IFT56: variants seen among roughly 807,000 people sequenced by gnomAD.
IFT56 encodes intraflagellar transport 56.
At chr7:139,166,851 G>A in the IFT56 span, 1 of 1,584,030 alleles carries the variant, frequency 6.3e-7, no homozygotes, top group Non-Finnish European at 8.7e-7. Context: ...TGATGTACAA[G>A]AAGCTTATAA....
chr7:139,191,466 C>A, the IFT56 span: 7 of 152,124 alleles, frequency 4.6e-5, no homozygotes, highest in East Asian at 1.2e-3. Flanking sequence ...CAGTGAATTG[C>A]TATTATTTTC....
chr7:139,187,401 T>C, the IFT56 span: 4 of 1,614,084 alleles, frequency 2.5e-6, no homozygotes, highest in African/African-American at 1.3e-5. Context: ...CGTTCTCTTA[T>C]TCAGATGGGC....
the IFT56 span, among the ~76,000 whole-genome samples, chr7:139,184,642 C>T: frequency 5.9e-5 from 9 of 152,174 alleles, no homozygotes; most frequent in African/African-American, 2.2e-4. Context: ...GGCACGGTGG[C>T]TTATGCCTGT....
the IFT56 span, among the ~76,000 whole-genome samples, chr7:139,188,071 G>A: frequency 1.3e-5 from 2 of 149,254 alleles, no homozygotes; most frequent in African/African-American, 4.9e-5. Context: ...AAAATTCAGT[G>A]GTTTATACTT....
At chr7:139,177,634 A>G in the IFT56 span, among the ~76,000 whole-genome samples, 1,037 of 125,432 alleles carry the variant, frequency 8.3e-3, 19 homozygotes, top group African/African-American at 0.038. Flanking sequence ...GTGTGTGTAT[A>G]TATATCTCAA....
chr7:139,160,682 C>T, the IFT56 span, among the ~76,000 whole-genome samples: 5 of 152,100 alleles, frequency 3.3e-5, no homozygotes, highest in African/African-American at 1.2e-4. Flanking sequence ...GTGATCCGCC[C>T]GCCTTGGCCT....
At chr7:139,177,096 C>T in the IFT56 span, among the ~76,000 whole-genome samples, 7 of 150,622 alleles carry the variant, frequency 4.6e-5, no homozygotes, top group East Asian at 1.2e-3. Flanking sequence ...CACTTGAACC[C>T]GGGAGACGAA....
At chr7:139,177,166 C>T in the IFT56 span, among the ~76,000 whole-genome samples, 69 of 135,376 alleles carry the variant, frequency 5.1e-4, 1 homozygote, top group Admixed American at 2.8e-3. Context: ...AGTAAGACTC[C>T]GTCTCAAAAA....
At chr7:139,134,722 G>A in the IFT56 span, 1 of 1,614,106 alleles carries the variant, frequency 6.2e-7, no homozygotes, top group Non-Finnish European at 8.5e-7. Flanking sequence ...AAGAAGAAAG[G>A]TAGGAAGATT....
the IFT56 span, chr7:139,187,481 G>T: frequency 6.2e-7 from 1 of 1,614,142 alleles, no homozygotes; most frequent in African/African-American, 1.3e-5. Flanking sequence ...ATATTGGGAA[G>T]GCAAACGGGG....
chr7:139,180,497 G>A, the IFT56 span, among the ~76,000 whole-genome samples: 2 of 152,094 alleles, frequency 1.3e-5, no homozygotes, highest in African/African-American at 4.8e-5. Context: ...ATCACTTGAG[G>A]CCAGGAGTTA....
chr7:139,162,243 G>A, the IFT56 span, among the ~76,000 whole-genome samples: 1 of 152,036 alleles, frequency 6.6e-6, no homozygotes, highest in Non-Finnish European at 1.5e-5. Context: ...TGATGCATGG[G>A]CCCCATCCCC....
the IFT56 span, among the ~76,000 whole-genome samples, chr7:139,187,063 C>T: frequency 1.4e-5 from 2 of 140,270 alleles, no homozygotes; most frequent in African/African-American, 2.8e-5. Flanking sequence ...CACTGCAGTC[C>T]GCAGTCCGGC....
At chr7:139,187,080 G>A in the IFT56 span, among the ~76,000 whole-genome samples, 2 of 120,272 alleles carry the variant, frequency 1.7e-5, no homozygotes, top group African/African-American at 3.5e-5. Flanking sequence ...CGGCCTGGGC[G>A]ACAGAGCGAG....
chr7:139,189,670 CT>C, the IFT56 span: 1 of 300,010 alleles, frequency 3.3e-6, no homozygotes, highest in Non-Finnish European at 6.2e-6. Flanking sequence ...TATCTGGTGC[CT>C]TTCTTCCAAA....
chr7:139,178,639 A>G, the IFT56 span: 150 of 1,524,696 alleles, frequency 9.8e-5, no homozygotes, highest in Middle Eastern at 1.7e-4. Context: ...GATTCTATCT[A>G]AAAACATCCT....
chr7:139,138,304 CTT>C, the IFT56 span, among the ~76,000 whole-genome samples: 23 of 152,124 alleles, frequency 1.5e-4, no homozygotes, highest in Admixed American at 1.5e-3. Flanking sequence ...ATCCTCATAA[CTT>C]TTATTACCAT....
chr7:139,145,586 A>T, the IFT56 span, among the ~76,000 whole-genome samples: 1 of 151,698 alleles, frequency 6.6e-6, no homozygotes, highest in Admixed American at 6.6e-5. Context: ...TGCCATGCCC[A>T]GCCAATTTTT....
chr7:139,174,148 T>A, the IFT56 span: 13 of 593,918 alleles, frequency 2.2e-5, no homozygotes, highest in Middle Eastern at 5.0e-4. Flanking sequence ...ATCAGTATCA[T>A]GAAGCACATG....
Sources: allele counts gnomAD v4.1 joint callset (sites outside exome capture counted in the v4.1 genomes callset), GRCh38; gene constraint gnomAD v4.1.1; transcripts MANE v1.5; gene names NCBI Gene and HGNC (gene_info 2026-07-23, HGNC 2026-07-21).